ADK: variants seen among roughly 807,000 people sequenced by gnomAD.
ADK encodes the protein N6,N6-dimethyladenosine kinase.
Under a neutral mutation model 44.7 loss-of-function variants are expected in ADK, and 24 were observed. That is an observed-to-expected ratio of 0.54 (90% CI 0.39 to 0.76). ADK has a LOEUF of 0.76. ADK is among the 30% of genes least tolerant of loss of function. The probability of loss-of-function intolerance (pLI) is 0.00; values close to 1 mark genes in which losing one functional copy is unlikely to be tolerated. For missense variants in ADK, 321 were observed against 425.1 expected, an observed-to-expected ratio of 0.76 and a Z score of 2.15; for synonymous variants, 128 against 142.6, an observed-to-expected ratio of 0.90 and a Z score of 0.73.
chr10:74,368,192 G>A (rs1395349587), intron 4 of ADK, among the ~76,000 whole-genome samples: 1 of 152,120 alleles, frequency 6.6e-6, no homozygotes, highest in Admixed American at 6.6e-5. Flanking sequence ...CATGAACATG[G>A]CTCACTGCAG....
At chr10:74,428,534 C>G (rs1844878192) in intron 6 of ADK, among the ~76,000 whole-genome samples, 1 of 152,156 alleles carries the variant, frequency 6.6e-6, no homozygotes, top group African/African-American at 2.4e-5. Context: ...CCATTCCAAT[C>G]ACTAATGGGT....
At position 74,280,016 on chromosome 10, in the gene ADK, G is replaced by C. The variant is rs1846862218; in HGVS notation, c.195-34651G>C. The stretch of plus-strand genomic sequence containing the variant: ...GCACCCAACCTGGGTGACAGAGTTA[G>C]ACTAGATCTCTTAAAACAAACAAAA... On this transcript the variant is annotated intron_variant, in intron 3 of 10. Coordinates refer to ENST00000539909, the MANE Select transcript of ADK (RefSeq NM_006721.4). Among the ~76,000 whole-genome samples the C allele has an allele frequency of 2.0e-5, 3 of 152,296 alleles. No individual in the cohort carries two copies. The South Asian group carries it at 6.2e-4, about 32-fold the overall frequency.
At chr10:74,488,897 TGGACAA>T (rs1847370498) in intron 6 of ADK, among the ~76,000 whole-genome samples, 1 of 151,912 alleles carries the variant, frequency 6.6e-6, no homozygotes, top group Non-Finnish European at 1.5e-5. Flanking sequence ...TTTGTGATCT[TGGACAA>T]GTAATTTGAG....
chr10:74,605,252 T>C (rs1852277567), intron 9 of ADK, among the ~76,000 whole-genome samples: 1 of 152,214 alleles, frequency 6.6e-6, no homozygotes, highest in Admixed American at 6.5e-5. Flanking sequence ...TCTTGCCTGA[T>C]TGCCCTGGTC....
chr10:74,605,642 T>A (rs1314830464), intron 9 of ADK, among the ~76,000 whole-genome samples: 1 of 152,204 alleles, frequency 6.6e-6, no homozygotes, highest in African/African-American at 2.4e-5. Context: ...TGGATTCAGT[T>A]TGCCAGAATT....
chr10:74,502,645 A>G lies in ADK; in HGVS notation c.556-22611A>G, dbSNP rs150784121. Reference sequence around the variant, plus strand: ...CTCACATTGTAAAAAAATTATATAAATGACCTTGTCTTGTGATGAAGCTAG... The same window carrying G: ...CTCACATTGTAAAAAAATTATATAAGTGACCTTGTCTTGTGATGAAGCTAG... On this transcript the variant is annotated intron_variant, in intron 6 of 10. Transcript: ENST00000539909. 7.1e-3 allele frequency among the ~76,000 whole-genome samples: 1,076 copies of G among 152,306 alleles called. 7 individuals carry two copies. Among genetic ancestry groups the G allele is most frequent in the Non-Finnish European group, 0.013 (883 of 67,996 alleles).
intron 2 of ADK, among the ~76,000 whole-genome samples, chr10:74,205,089 A>G (rs1356964960): frequency 1.3e-5 from 2 of 150,352 alleles, no homozygotes; most frequent in East Asian, 3.9e-4. Context: ...GCCAAACCAC[A>G]CCAAAACAAA....
chr10:74,504,251 T>C (rs1457801507), intron 6 of ADK, among the ~76,000 whole-genome samples: 1 of 151,928 alleles, frequency 6.6e-6, no homozygotes, highest in African/African-American at 2.4e-5. Flanking sequence ...AATATGTACC[T>C]CCTGAAAAAT....
At chr10:74,515,555 C>T (rs918744590) in intron 6 of ADK, among the ~76,000 whole-genome samples, 15 of 152,066 alleles carry the variant, frequency 9.9e-5, no homozygotes, top group African/African-American at 2.4e-4. Flanking sequence ...CCCTGTGGCA[C>T]GGGGGCAGTC....
At chr10:74,181,381 G>A (rs1345503722) in intron 1 of ADK, among the ~76,000 whole-genome samples, 2 of 152,002 alleles carry the variant, frequency 1.3e-5, no homozygotes, top group Admixed American at 6.6e-5. Context: ...TACTGATTAA[G>A]AGTCTAAATT....
At chr10:74,176,010 TTTGGAAAGTGAGGTAA>T (rs997878644) in intron 1 of ADK, among the ~76,000 whole-genome samples, 5 of 152,194 alleles carry the variant, frequency 3.3e-5, no homozygotes, top group African/African-American at 1.2e-4. Flanking sequence ...CGCATGCTTC[TTTGGAAAGTGAGGTAA>T]TTGTGTCAAA....
At chr10:74,353,610 T>C (rs1444314786) in intron 4 of ADK, among the ~76,000 whole-genome samples, 6 of 149,664 alleles carry the variant, frequency 4.0e-5, no homozygotes, top group Non-Finnish European at 8.9e-5. Flanking sequence ...GGCTCACGCC[T>C]GTAATCCCAG....
chr10:74,546,972 C>CA (rs1165109542), intron 7 of ADK, among the ~76,000 whole-genome samples: 4 of 152,158 alleles, frequency 2.6e-5, no homozygotes, highest in Non-Finnish European at 5.9e-5. Context: ...TATCACCCAG[C>CA]ATTAACTACT....
chr10:74,608,958 G>A (rs1233118192), intron 9 of ADK, among the ~76,000 whole-genome samples: 1 of 152,148 alleles, frequency 6.6e-6, no homozygotes, highest in Non-Finnish European at 1.5e-5. Context: ...TCTGGCTACA[G>A]TGGCTTTTCC....
rs1845413165 is a variant in ADK, at chr10:74,246,291, A to G, written c.194+21700A>G. Among the ~76,000 whole-genome samples the G allele has an allele frequency of 3.3e-5, 5 of 152,366 alleles. No homozygotes were observed. The South Asian group carries it at 1.0e-3, about 32-fold the overall frequency. ...CATACTGATTGAATGTACAAGTTAT[A>G]TGAAACTCTAGCAGTTCTGTCAAAA... On this transcript the variant is annotated intron_variant, in intron 3 of 10. Coordinates refer to ENST00000539909, the MANE Select transcript of ADK (RefSeq NM_006721.4).
rs1206668443 is a variant in ADK, at chr10:74,600,359, T to C, written c.763-20T>C. On this transcript the variant is annotated intron_variant, in intron 8 of 10. Transcript: ENST00000539909. ...TTATTTTATTGGTCATGAGAATTTTTTCCTTCCTTCTATTAATAGACTAAA... is the reference window on the plus strand; with the variant it reads ...TTATTTTATTGGTCATGAGAATTTTCTCCTTCCTTCTATTAATAGACTAAA... 6.5e-7 allele frequency: 1 copy of C among 1,532,582 alleles called. No individual in the cohort carries two copies. Among genetic ancestry groups the C allele is most frequent in the African/African-American group, 1.4e-5 (1 of 72,736 alleles). 94.9% of individuals were successfully genotyped at this position (1,532,582 alleles called of 1,614,324 possible).
chr10:74,489,056 T>C (rs35273093), intron 6 of ADK, among the ~76,000 whole-genome samples: 18,875 of 151,934 alleles, frequency 0.12, 1,539 homozygotes, highest in East Asian at 0.23. Flanking sequence ...TTTCTAAAAA[T>C]TATACCTACT....
chr10:74,208,089 CTT>C (rs1174490090), intron 2 of ADK, among the ~76,000 whole-genome samples: 1 of 152,264 alleles, frequency 6.6e-6, no homozygotes, highest in East Asian at 1.9e-4. Flanking sequence ...TTGGCCACGA[CTT>C]TGCTCCACCC....
chr10:74,423,848 C>A, intron 6 of ADK: 1 of 282,640 alleles, frequency 3.5e-6, no homozygotes, highest in South Asian at 4.0e-5. Flanking sequence ...ATTGTGTCGT[C>A]TAAGCAGACA....
Sources: gnomAD v4.1 joint callset for allele counts (sites outside exome capture counted in the v4.1 genomes callset) on GRCh38, gnomAD v4.1.1 for gene constraint, MANE v1.5 for transcripts, NCBI Gene and HGNC (gene_info 2026-07-23, HGNC 2026-07-21) for gene names.